The following GAS2 variants were observed in gnomAD, a reference collection of about 807,000 sequenced individuals.
GAS2 encodes growth arrest specific 2, also known as growth arrest-specific protein 2.
GAS2 carries 20 observed loss-of-function variants against 37.5 expected under a neutral mutation model. That is an observed-to-expected ratio of 0.53 (90% CI 0.37 to 0.77). The LOEUF (loss-of-function observed/expected upper bound fraction) is 0.77. GAS2 is among the 30% of genes least tolerant of loss of function. The probability of loss-of-function intolerance (pLI) is 0.00; values close to 1 mark genes in which losing one functional copy is unlikely to be tolerated. For missense variants in GAS2, 336 were observed against 373.4 expected (o/e 0.90, Z 0.82); for synonymous variants, 144 against 132.2 (o/e 1.09, Z -0.61).
At chr11:22,716,514 C>A (rs1590698846) in intron 3 of GAS2, among the ~76,000 whole-genome samples, 2 of 151,894 alleles carry the variant, frequency 1.3e-5, no homozygotes, top group South Asian at 4.2e-4. Flanking sequence ...ATGACACACA[C>A]CTATAATCGC....
intron 7 of GAS2, among the ~76,000 whole-genome samples, chr11:22,806,237 T>C (rs956238467): frequency 1.4e-4 from 21 of 152,200 alleles, no homozygotes; most frequent in African/African-American, 5.1e-4. Context: ...TGTACCACAA[T>C]GTCCTCTGGG....
chr11:22,634,408 C>T (rs1858791927), intron 1 of GAS2, among the ~76,000 whole-genome samples: 1 of 152,180 alleles, frequency 6.6e-6, no homozygotes, highest in Non-Finnish European at 1.5e-5. Context: ...CCCCAGGTTC[C>T]TTCATGAGCA....
rs531008463 is a variant in GAS2 at position 22,680,036 on chromosome 11, TA to T, written c.145+5027del. Among the ~76,000 whole-genome samples, 154 of 152,260 alleles carry T rather than the reference TA, an allele frequency of 1.0e-3. 2 individuals are homozygous for T. Among genetic ancestry groups the T allele is most frequent in the Middle Eastern group, 3.4e-3 (1 of 294 alleles). Reference sequence around the variant, plus strand: ...TCTTGAAAAATAACATTTTCAGCATTAAAAATTTAAGCACCTATTTATTAGG... The same window carrying T: ...TCTTGAAAAATAACATTTTCAGCATTAAAATTTAAGCACCTATTTATTAGG... On this transcript the variant is annotated intron_variant, in intron 2 of 7. Transcript: ENST00000454584.
chr11:22,731,311 A>T (rs1852464581), intron 4 of GAS2: 1 of 443,684 alleles, frequency 2.3e-6, no homozygotes. Context: ...CAATATCATT[A>T]TGTTATTGGA....
intron 1 of GAS2, among the ~76,000 whole-genome samples, chr11:22,633,989 A>G (rs775964243): frequency 6.6e-6 from 1 of 152,198 alleles, no homozygotes; most frequent in Non-Finnish European, 1.5e-5. Context: ...CTATGTTTGC[A>G]GTGATGGGCA....
chr11:22,762,302 C>T (rs1217875317), intron 7 of GAS2, among the ~76,000 whole-genome samples: 9 of 152,084 alleles, frequency 5.9e-5, no homozygotes, highest in Non-Finnish European at 1.3e-4. Context: ...TCGTTTGTTC[C>T]AGGCATTTTA....
chr11:22,726,492 T>G (rs1590716740), intron 4 of GAS2, 59 bp downstream of exon 4: 1 of 1,501,764 alleles, frequency 6.7e-7, no homozygotes, highest in East Asian at 2.3e-5. Context: ...TTTGTCTTTG[T>G]CAGTATAGCC....
chr11:22,692,301 G>A (rs909166282), intron 3 of GAS2, among the ~76,000 whole-genome samples: 2 of 152,022 alleles, frequency 1.3e-5, no homozygotes, highest in African/African-American at 2.4e-5. Flanking sequence ...CCAGAAAATC[G>A]GAGACAAGTC....
upstream of GAS2, among the ~76,000 whole-genome samples, chr11:22,663,183 C>T (rs1424539090): frequency 1.3e-5 from 2 of 151,994 alleles, no homozygotes; most frequent in Non-Finnish European, 2.9e-5. Flanking sequence ...GAACAGCATG[C>T]GGGAAACGGA....
rs552403798 is a variant in GAS2 at position 22,652,554 on chromosome 11, T to A, written c.-20-22296T>A. Among the ~76,000 whole-genome samples, 82 of 152,306 alleles carry A rather than the reference T, an allele frequency of 5.4e-4. 1 individual carries two copies. The highest frequency in any genetic ancestry group is 1.9e-3 in the South Asian group (9 of 4,824). ...GCCTTGCAGTTTGATCTCAGACTGC[T>A]GTACTAGCAATCAGCGAGACTCCGT... On this transcript the variant is annotated intron_variant, in intron 1 of 5. Coordinates refer to the GAS2 transcript ENST00000528582.
chr11:22,666,144 G>T (rs933215510), upstream of GAS2, among the ~76,000 whole-genome samples: 1 of 152,206 alleles, frequency 6.6e-6, no homozygotes, highest in Non-Finnish European at 1.5e-5. Context: ...GGAGACAATT[G>T]TCTCTGACAT....
intron 3 of GAS2, among the ~76,000 whole-genome samples, chr11:22,721,453 A>G (rs1325059097): frequency 6.6e-6 from 1 of 152,058 alleles, no homozygotes; most frequent in Non-Finnish European, 1.5e-5. Flanking sequence ...AACTACACCC[A>G]GGGTAACTAC....
chr11:22,685,532 T>C, intron 2 of GAS2, 136 bp from the exon 3 acceptor site: 1 of 802,516 alleles, frequency 1.2e-6, no homozygotes, highest in Non-Finnish European at 1.9e-6. Flanking sequence ...AAATGACTAT[T>C]TCTGGTAAGC....
intron 5 of GAS2, among the ~76,000 whole-genome samples, chr11:22,743,792 A>C (rs920776757): frequency 1.3e-5 from 2 of 152,140 alleles, no homozygotes; most frequent in African/African-American, 4.8e-5. Flanking sequence ...AAATAACTAA[A>C]ATCAGAGCAT....
chr11:22,663,712 G>A (rs188237670), upstream of GAS2, among the ~76,000 whole-genome samples: 2 of 151,972 alleles, frequency 1.3e-5, no homozygotes, highest in Non-Finnish European at 1.5e-5. Context: ...ATTTATCCTT[G>A]TAGTTTTATA....
At chr11:22,744,433 C>T (rs180767965) in intron 5 of GAS2, among the ~76,000 whole-genome samples, 14 of 152,034 alleles carry the variant, frequency 9.2e-5, no homozygotes, top group East Asian at 1.9e-4. Flanking sequence ...AACAGCACAT[C>T]GAAAAGTTAA....
intron 7 of GAS2, among the ~76,000 whole-genome samples, chr11:22,769,642 G>A (rs1467109809): frequency 6.6e-6 from 1 of 152,184 alleles, no homozygotes; most frequent in East Asian, 1.9e-4. Flanking sequence ...TCCCAAAGAT[G>A]ACTTGACTTT....
At chr11:22,712,074 C>G (rs1327549583) in intron 3 of GAS2, among the ~76,000 whole-genome samples, 4 of 152,186 alleles carry the variant, frequency 2.6e-5, no homozygotes, top group African/African-American at 4.8e-5. Flanking sequence ...AGCACCACCT[C>G]CTGGCTGGAG....
Position 22,650,349 on chromosome 11 carries a change from A to G in GAS2, c.-20-24501A>G, listed in dbSNP as rs534389332. On this transcript the variant is annotated intron_variant, in intron 1 of 5. Transcript: ENST00000528582. ...AGCTTTACTTCCAAGTATGTGGTCA[A>G]TTTTGGAATAGGTGTGGTGTGGTGC... Among the ~76,000 whole-genome samples, 416 of 150,990 alleles carry G rather than the reference A, an allele frequency of 2.8e-3. 1 individual carries two copies. Among genetic ancestry groups the G allele is most frequent in the Non-Finnish European group, 4.5e-3 (306 of 67,468 alleles).
Sources: gnomAD v4.1 joint callset for allele counts (sites outside exome capture counted in the v4.1 genomes callset) on GRCh38, gnomAD v4.1.1 for gene constraint, MANE v1.5 for transcripts, NCBI Gene and HGNC (gene_info 2026-07-23, HGNC 2026-07-21) for gene names.